Variants in KCNMA1 observed in about 807,000 individuals in gnomAD.
The protein encoded by KCNMA1 is potassium calcium-activated channel subfamily M alpha 1, also known as Calcium-activated potassium channel subunit alpha-1.
A neutral mutation model predicts 140.0 loss-of-function variants in KCNMA1; 29 were observed. The ratio of observed to expected loss-of-function variants is 0.21; its 90% CI spans 0.15 to 0.28. KCNMA1 has a LOEUF of 0.28. Ranked by LOEUF, KCNMA1 falls within the 10% of genes least tolerant of loss-of-function variation. The probability of loss-of-function intolerance (pLI) is 1.00; values close to 1 mark genes in which losing one functional copy is unlikely to be tolerated. For missense variants in KCNMA1, 880 were observed against 1,602.2 expected (o/e 0.55, Z 7.70); for synonymous variants, 612 against 611.9 (o/e 1.00, Z 0.00).
chr10:77,540,780 C>T (rs1335038925), intron 1 of KCNMA1, among the ~76,000 whole-genome samples: 1 of 152,060 alleles, frequency 6.6e-6, no homozygotes, highest in African/African-American at 2.4e-5. Context: ...GTGGGCTGAT[C>T]CCCTGAGGTC....
chr10:77,355,328 T>C, intron 2 of KCNMA1: 1 of 153,476 alleles, frequency 6.5e-6, no homozygotes, highest in Middle Eastern at 3.2e-3. Context: ...ACTTCCTCCT[T>C]CCATCAGTCT....
At chr10:77,036,468 C>T (rs2153566544) in intron 15 of KCNMA1, among the ~76,000 whole-genome samples, 1 of 152,310 alleles carries the variant, frequency 6.6e-6, no homozygotes, top group Admixed American at 6.5e-5. Context: ...TTTTGCCAGC[C>T]TAGAGAAAAA....
At chr10:77,480,956 A>G (rs952825804) in intron 1 of KCNMA1, among the ~76,000 whole-genome samples, 1 of 63,098 alleles carries the variant, frequency 1.6e-5, no homozygotes, top group Non-Finnish European at 3.0e-5. Flanking sequence ...CTAAAAATAC[A>G]AAAAAAAAAA....
At chr10:76,917,937 C>A (rs1051031972) in intron 23 of KCNMA1, among the ~76,000 whole-genome samples, 2 of 152,154 alleles carry the variant, frequency 1.3e-5, no homozygotes, top group Non-Finnish European at 2.9e-5. Flanking sequence ...AATTCAAGCA[C>A]CTTCCATAAA....
chr10:77,545,156 T>G (rs1384916687), intron 1 of KCNMA1, among the ~76,000 whole-genome samples: 1 of 152,184 alleles, frequency 6.6e-6, no homozygotes, highest in East Asian at 1.9e-4. Flanking sequence ...AATAGTTGGG[T>G]TCCTCCGGAA....
At chr10:77,353,970 T>TGG (rs563299513) in intron 2 of KCNMA1, among the ~76,000 whole-genome samples, 232 of 92,902 alleles carry the variant, frequency 2.5e-3, no homozygotes, top group Middle Eastern at 5.4e-3. Flanking sequence ...CCTCTTTTTT[T>TGG]GGGGGGGGGG....
intron 24 of KCNMA1, 151 bp from the exon 25 acceptor site, chr10:76,910,247 G>A (rs2049588493): frequency 1.3e-6 from 1 of 789,392 alleles, no homozygotes; most frequent in East Asian, 2.9e-5. Flanking sequence ...TTGGGTAAGG[G>A]GGGCAGTGGG....
intron 5 of KCNMA1, among the ~76,000 whole-genome samples, chr10:77,137,780 C>G (rs1409252163): frequency 1.3e-5 from 2 of 152,098 alleles, no homozygotes; most frequent in Non-Finnish European, 2.9e-5. Context: ...TTGCTCCCTA[C>G]TTTTTTAAAA....
At chr10:77,324,971 C>CTCTCTCTCTGTGTG (rs766240356) in intron 2 of KCNMA1, among the ~76,000 whole-genome samples, 4,609 of 90,050 alleles carry the variant, frequency 0.051, 201 homozygotes, top group Admixed American at 0.08. Context: ...CTCTCTCTCT[C>CTCTCTCTCTGTGTG]TGTGTGTGTG....
chr10:76,920,978 C>T (rs769646813), intron 23 of KCNMA1, among the ~76,000 whole-genome samples: 2 of 152,156 alleles, frequency 1.3e-5, no homozygotes, highest in Non-Finnish European at 2.9e-5. Context: ...ATGGGGGAAA[C>T]ACAAAGTACT....
intron 1 of KCNMA1, among the ~76,000 whole-genome samples, chr10:77,630,371 A>C (rs1051869475): frequency 4.6e-5 from 7 of 152,120 alleles, no homozygotes; most frequent in Non-Finnish European, 7.4e-5. Flanking sequence ...GAGCCCACAC[A>C]TTGGTGGGTA....
At chr10:77,403,811 C>T in intron 2 of KCNMA1, 51 bp downstream of exon 2, 2 of 1,572,868 alleles carry the variant, frequency 1.3e-6, no homozygotes, top group Non-Finnish European at 1.7e-6. Context: ...GCAAAGCCAC[C>T]TTGGCCCAGA....
intron 19 of KCNMA1, among the ~76,000 whole-genome samples, chr10:76,993,091 C>T (rs945248942): frequency 2.6e-5 from 4 of 152,360 alleles, no homozygotes; most frequent in Non-Finnish European, 1.5e-5. Context: ...AGCCTCAGCG[C>T]TGGCCAGCTG....
intron 5 of KCNMA1, among the ~76,000 whole-genome samples, chr10:77,135,017 A>AAAAAAAAAAAAAAAAAAAAAAAG (rs2097967355): frequency 6.9e-6 from 1 of 143,994 alleles, no homozygotes; most frequent in Non-Finnish European, 1.5e-5. Flanking sequence ...AAAAAAAAAA[A>AAAAAAAAAAAAAAAAAAAAAAAG]AAAAAAAAAA....
At chr10:77,522,401 T>A (rs1603632486) in intron 1 of KCNMA1, among the ~76,000 whole-genome samples, 1 of 152,238 alleles carries the variant, frequency 6.6e-6, no homozygotes, top group East Asian at 1.9e-4. Flanking sequence ...GCCTTTTCAT[T>A]TGCCTCGCCT....
At chr10:77,627,287 C>T (rs2092649696) in intron 1 of KCNMA1, among the ~76,000 whole-genome samples, 1 of 152,166 alleles carries the variant, frequency 6.6e-6, no homozygotes, top group Non-Finnish European at 1.5e-5. Flanking sequence ...AAATTCTTGG[C>T]AGGGCCCCCA....
intron 5 of KCNMA1, among the ~76,000 whole-genome samples, chr10:77,163,635 C>G (rs77379534): frequency 6.6e-6 from 1 of 152,202 alleles, no homozygotes; most frequent in Non-Finnish European, 1.5e-5. Context: ...CATCAAGTAA[C>G]CTTCCAAGCA....
intron 1 of KCNMA1, among the ~76,000 whole-genome samples, chr10:77,519,255 G>A (rs534635026): frequency 5.9e-5 from 9 of 152,326 alleles, no homozygotes; most frequent in African/African-American, 1.4e-4. Flanking sequence ...CATCACCCCC[G>A]AGTTGCTTTA....
intron 1 of KCNMA1, among the ~76,000 whole-genome samples, chr10:77,541,582 C>G (rs965023634): frequency 1.3e-5 from 2 of 152,102 alleles, no homozygotes; most frequent in Non-Finnish European, 2.9e-5. Context: ...CTCTATTGTT[C>G]TAAGTAACAT....
Sources: gnomAD v4.1 joint callset for allele counts (sites outside exome capture counted in the v4.1 genomes callset) on GRCh38, gnomAD v4.1.1 for gene constraint, MANE v1.5 for transcripts, NCBI Gene and HGNC (gene_info 2026-07-23, HGNC 2026-07-21) for gene names.